Variants in KALRN observed in about 807,000 individuals in gnomAD.
KALRN encodes the protein kalirin RhoGEF kinase, also known as kalirin.
In KALRN, 70 loss-of-function variants were observed where a neutral mutation model predicts 353.7. The ratio of observed to expected loss-of-function variants is 0.20; its 90% confidence interval spans 0.16 to 0.24. KALRN has a LOEUF of 0.24. KALRN is among the 10% of genes least tolerant of loss of function. The pLI, the probability that KALRN is intolerant of heterozygous loss-of-function variation, is 1.00. For missense variants in KALRN, 2,791 were observed against 3,756.7 expected (o/e 0.74, Z 6.72); for synonymous variants, 1,391 against 1,434.8 (o/e 0.97, Z 0.69).
chr3:124,547,643 T>C lies in KALRN; in HGVS notation c.4936-15200T>C, dbSNP rs540151511. On this transcript the variant is annotated intron_variant, in intron 33 of 59. Coordinates refer to ENST00000682506, the MANE Select transcript of KALRN (RefSeq NM_001388419.1). ...TGACTGTCTCTAGATTGGAATCCAA[T>C]ATATTGCCTGTAGCTAAAGTCCCAG... Among the ~76,000 whole-genome samples, 3 of 152,152 alleles carry C rather than the reference T, an allele frequency of 2.0e-5. No individual in the cohort carries two copies. The East Asian group carries it at 5.8e-4, about 29-fold the overall frequency.
chr3:124,646,810 T>C (rs2082814811), intron 37 of KALRN, among the ~76,000 whole-genome samples: 1 of 147,878 alleles, frequency 6.8e-6, no homozygotes, highest in Non-Finnish European at 1.5e-5. Flanking sequence ...CATCTAGACA[T>C]ATTCAGTATT....
At chr3:124,057,908 C>T (rs879247037) in intron 1 of KALRN, among the ~76,000 whole-genome samples, 1 of 152,186 alleles carries the variant, frequency 6.6e-6, no homozygotes, top group African/African-American at 2.4e-5. Context: ...AGTTCCTTTT[C>T]ATGCTGCTGA....
chr3:124,388,143 C>T (rs2088704042), intron 11 of KALRN, among the ~76,000 whole-genome samples: 1 of 151,896 alleles, frequency 6.6e-6, no homozygotes, highest in African/African-American at 2.4e-5. Flanking sequence ...TTTTCTTATG[C>T]TTTGTGCCTT....
chr3:124,182,456 G>T (rs768566265), intron 1 of KALRN, among the ~76,000 whole-genome samples: 1 of 152,200 alleles, frequency 6.6e-6, no homozygotes, highest in East Asian at 1.9e-4. Context: ...CTGATCTCTG[G>T]TCTTTGTTAT....
At chr3:124,346,527 T>TTTGG (rs912858563) in intron 9 of KALRN, among the ~76,000 whole-genome samples, 14 of 152,238 alleles carry the variant, frequency 9.2e-5, no homozygotes, top group African/African-American at 2.9e-4. Flanking sequence ...TATTTGTTTG[T>TTTGG]TTGGTTGGTT....
intron 1 of KALRN, among the ~76,000 whole-genome samples, chr3:124,050,178 GT>G (rs2040892632): frequency 6.6e-6 from 1 of 152,170 alleles, no homozygotes; most frequent in South Asian, 2.1e-4. Flanking sequence ...GACCTCTCTT[GT>G]TTTTTGGAAT....
At chr3:124,679,686 A>C in intron 51 of KALRN, 169 bp downstream of exon 51, 1 of 726,326 alleles carries the variant, frequency 1.4e-6, no homozygotes, top group Non-Finnish European at 2.5e-6. Context: ...AACATAATTC[A>C]GTTCAGTGTT....
chr3:124,237,095 A>G (rs1579831958), intron 3 of KALRN, among the ~76,000 whole-genome samples: 2 of 152,220 alleles, frequency 1.3e-5, no homozygotes, highest in South Asian at 4.1e-4. Flanking sequence ...ATGGAACAGG[A>G]TTGTTCTAAA....
At chr3:124,464,941 A>G (rs2060188281) in intron 25 of KALRN, among the ~76,000 whole-genome samples, 1 of 151,854 alleles carries the variant, frequency 6.6e-6, no homozygotes, top group African/African-American at 2.4e-5. Flanking sequence ...CATAGGGCCC[A>G]ATACAGCCAC....
At chr3:124,600,282 T>A (rs2076669635) in intron 34 of KALRN, among the ~76,000 whole-genome samples, 1 of 152,246 alleles carries the variant, frequency 6.6e-6, no homozygotes, top group Non-Finnish European at 1.5e-5. Flanking sequence ...CACCTGGGTT[T>A]GTCATTACCA....
intron 34 of KALRN, among the ~76,000 whole-genome samples, chr3:124,626,371 T>G (rs2079956251): frequency 6.6e-6 from 1 of 152,240 alleles, no homozygotes; most frequent in Non-Finnish European, 1.5e-5. Context: ...TAATCTTTTA[T>G]TTTTAAAAAA....
chr3:124,044,995 A>G (rs1334796739), intron 1 of KALRN, among the ~76,000 whole-genome samples: 2 of 151,770 alleles, frequency 1.3e-5, no homozygotes, highest in South Asian at 2.1e-4. Context: ...AGTTACAATT[A>G]TTCCAAGGCA....
intron 47 of KALRN, among the ~76,000 whole-genome samples, chr3:124,671,251 T>C (rs1401890071): frequency 2.6e-5 from 4 of 152,192 alleles, no homozygotes; most frequent in Non-Finnish European, 5.9e-5. Context: ...TTTCATACCA[T>C]GGCACTTCCC....
chr3:124,137,983 G>A (rs768305927), intron 1 of KALRN, among the ~76,000 whole-genome samples: 1 of 152,158 alleles, frequency 6.6e-6, no homozygotes. Flanking sequence ...AGAGAACAAG[G>A]GAGGTCAGAA....
At chr3:124,338,010 A>G (rs1055898584) in intron 9 of KALRN, among the ~76,000 whole-genome samples, 4 of 151,820 alleles carry the variant, frequency 2.6e-5, no homozygotes, top group African/African-American at 9.7e-5. Context: ...TATTGTGTCT[A>G]TTTGATTCTT....
intron 1 of KALRN, among the ~76,000 whole-genome samples, chr3:124,110,481 A>G (rs1262301864): frequency 1.3e-5 from 2 of 151,518 alleles, no homozygotes; most frequent in East Asian, 3.9e-4. Context: ...ACACACACAC[A>G]CACACACACA....
At chr3:124,584,799 G>A (rs1295359443) in intron 34 of KALRN, 1 of 1,591,660 alleles carries the variant, frequency 6.3e-7, no homozygotes, top group Admixed American at 1.8e-5. Context: ...TGCCATGCGG[G>A]AGCGCTGGGG....
intron 14 of KALRN, among the ~76,000 whole-genome samples, chr3:124,414,864 T>C (rs2092408457): frequency 2.6e-5 from 4 of 152,222 alleles, no homozygotes; most frequent in Admixed American, 2.6e-4. Context: ...GCCATGTCCC[T>C]GCTTATCCTG....
chr3:124,680,430 C>A (rs1191892219), intron 51 of KALRN, among the ~76,000 whole-genome samples: 4 of 152,190 alleles, frequency 2.6e-5, no homozygotes, highest in African/African-American at 9.6e-5. Context: ...ACTTTCCTTG[C>A]CATTTTTTCA....
Sources: allele counts gnomAD v4.1 joint callset (sites outside exome capture counted in the v4.1 genomes callset), GRCh38; gene constraint gnomAD v4.1.1; transcripts MANE v1.5; gene names NCBI Gene and HGNC (gene_info 2026-07-23, HGNC 2026-07-21).